RAB11FIP3: variants seen among roughly 807,000 people sequenced by gnomAD.
RAB11FIP3 encodes the protein RAB11 family interacting protein 3, also known as rab11 family-interacting protein 3.
Under a neutral mutation model 77.8 loss-of-function variants are expected in RAB11FIP3, and 17 were observed. The ratio of observed to expected loss-of-function variants is 0.22; its 90% CI spans 0.15 to 0.33. The LOEUF (loss-of-function observed/expected upper bound fraction) is 0.33. Among genes scored for constraint, RAB11FIP3 ranks in the 10% least tolerant of loss-of-function variants. The probability of loss-of-function intolerance (pLI) is 1.00; values close to 1 mark genes in which losing one functional copy is unlikely to be tolerated. For synonymous variants in RAB11FIP3, 437 were observed against 448.2 expected, an observed-to-expected ratio of 0.98 and a Z score of 0.31; for missense variants, 1,005 against 1,011.2, an observed-to-expected ratio of 0.99 and a Z score of 0.08.
intron 9 of RAB11FIP3, among the ~76,000 whole-genome samples, chr16:515,555 G>T (rs1320362622): frequency 6.7e-6 from 1 of 149,076 alleles, no homozygotes; most frequent in Admixed American, 6.7e-5. Flanking sequence ...TCTTGGAGCA[G>T]CCACACGGGC....
rs2032595982 is a variant in RAB11FIP3 at position 519,865 on chromosome 16, C to A, written c.1834C>A (p.Gln612Lys). 6.3e-7 allele frequency: 1 copy of A among 1,595,802 alleles called. No individual in the cohort carries two copies. The change falls in exon 11 of 14, where the codon CAG (glutamine) becomes AAG (lysine). Residue 612 changes from glutamine to lysine, a missense_variant. Gln to Lys is a moderately conservative substitution (Grantham distance 53). This residue lies in a region of RAB11FIP3 where 433 missense variants were observed against 436.1 expected (regional missense o/e 0.99). Coordinates refer to ENST00000262305, the MANE Select transcript of RAB11FIP3 (RefSeq NM_014700.4). ...GCTGAGTCACGAGAGGCACCAGTTC[C>A]AGAGGGACAAGGAGGCCACCCAGGA... The part of the protein sequence containing the change: ...DRLSHERHQF[Q>K]RDKEATQELI...
intron 1 of RAB11FIP3, among the ~76,000 whole-genome samples, chr16:454,049 G>T (rs950078250): frequency 6.6e-6 from 1 of 152,116 alleles, no homozygotes; most frequent in Non-Finnish European, 1.5e-5. Context: ...CAAGAAAAGA[G>T]ACATGAGATG....
intron 9 of RAB11FIP3, among the ~76,000 whole-genome samples, chr16:518,096 T>C (rs1330502319): frequency 1.3e-5 from 2 of 152,100 alleles, no homozygotes; most frequent in Admixed American, 6.6e-5. Flanking sequence ...AGTAAATAAA[T>C]AGATACAGGA....
At chr16:492,358 G>GCCCTCCCGGGGGACCCGAGGCC (rs1567391717) in intron 5 of RAB11FIP3, among the ~76,000 whole-genome samples, 1 of 90,922 alleles carries the variant, frequency 1.1e-5, no homozygotes, top group African/African-American at 6.4e-5. Context: ...CTTTGAAGAG[G>GCCCTCCCGGGGGACCCGAGGCC]GTCTTCCCGG....
chr16:484,912 A>G (rs2056122711), intron 4 of RAB11FIP3, among the ~76,000 whole-genome samples: 1 of 152,072 alleles, frequency 6.6e-6, no homozygotes, highest in Admixed American at 6.6e-5. Flanking sequence ...AGCCTCCGGC[A>G]TCTGTGGCTC....
intron 1 of RAB11FIP3, among the ~76,000 whole-genome samples, chr16:453,884 C>T (rs2055452531): frequency 6.6e-6 from 1 of 152,072 alleles, no homozygotes; most frequent in South Asian, 2.1e-4. Flanking sequence ...CGTGAGCCAC[C>T]ACACCCGGCC....
intron 5 of RAB11FIP3, among the ~76,000 whole-genome samples, chr16:492,990 G>A (rs768466917): frequency 6.6e-6 from 1 of 152,138 alleles, no homozygotes; most frequent in African/African-American, 2.4e-5. Context: ...ACTCACGCCT[G>A]TAATCTCAGC....
intron 1 of RAB11FIP3, among the ~76,000 whole-genome samples, chr16:451,234 C>A (rs946227893): frequency 6.6e-6 from 1 of 151,910 alleles, no homozygotes; most frequent in African/African-American, 2.4e-5. Context: ...GTACAGAGTC[C>A]GTACTGTTGT....
intron 1 of RAB11FIP3, among the ~76,000 whole-genome samples, chr16:440,827 A>C (rs2034208759): frequency 1.3e-5 from 2 of 152,190 alleles, no homozygotes; most frequent in Non-Finnish European, 2.9e-5. Flanking sequence ...TGCGGGCAGG[A>C]AGTGAAGAGG....
At chr16:479,138 T>C (rs1009172442) in intron 3 of RAB11FIP3, among the ~76,000 whole-genome samples, 3 of 152,158 alleles carry the variant, frequency 2.0e-5, no homozygotes, top group Admixed American at 6.5e-5. Context: ...ATGCCTATAA[T>C]CCCAGCACTT....
intron 1 of RAB11FIP3, among the ~76,000 whole-genome samples, chr16:440,086 C>A (rs1173342917): frequency 6.6e-6 from 1 of 152,126 alleles, no homozygotes; most frequent in Non-Finnish European, 1.5e-5. Context: ...ATGATCCGCC[C>A]CCCCCATCGG....
chr16:495,014 G>C (rs4984885), intron 5 of RAB11FIP3, among the ~76,000 whole-genome samples: 646 of 2,368 alleles, frequency 0.27, 17 homozygotes, highest in East Asian at 0.3. Context: ...CTGCAGAGGT[G>C]GGAGGATCAC....
chr16:510,847 G>A, intron 9 of RAB11FIP3, 47 bp downstream of exon 9: 1 of 1,595,572 alleles, frequency 6.3e-7, no homozygotes, highest in African/African-American at 1.3e-5. Flanking sequence ...TGCAGGCCAG[G>A]TAGGAGACGG....
chr16:503,206 A>G, intron 7 of RAB11FIP3, 109 bp downstream of exon 7: 1 of 809,758 alleles, frequency 1.2e-6, no homozygotes, highest in South Asian at 1.8e-5. Context: ...GCCGGAGGTG[A>G]CCCCATGTCC....
chr16:485,275 CT>C (rs2056131294), intron 4 of RAB11FIP3, among the ~76,000 whole-genome samples: 1 of 152,166 alleles, frequency 6.6e-6, no homozygotes, highest in Non-Finnish European at 1.5e-5. Context: ...TGGCCTGCCC[CT>C]GGTCTGTTGG....
intron 7 of RAB11FIP3, 47 bp downstream of exon 7, chr16:503,144 A>G: frequency 6.7e-7 from 1 of 1,491,670 alleles, no homozygotes; most frequent in South Asian, 1.1e-5. Context: ...GATTTAGAAC[A>G]CAGCCACGCC....
chr16:494,827 T>G (rs4984880), intron 5 of RAB11FIP3, among the ~76,000 whole-genome samples: 2,367 of 15,944 alleles, frequency 0.15, 22 homozygotes, highest in African/African-American at 0.23. Flanking sequence ...CACATGAGCC[T>G]GGGAGGTCGA....
chr16:475,229 T>C, intron 3 of RAB11FIP3: 6 of 1,062,062 alleles, frequency 5.6e-6, no homozygotes, highest in Non-Finnish European at 7.5e-6. Flanking sequence ...CTGAACGGGC[T>C]TTTTCTCTGT....
intron 1 of RAB11FIP3, among the ~76,000 whole-genome samples, chr16:433,598 C>T (rs2055076562): frequency 6.6e-6 from 1 of 151,668 alleles, no homozygotes; most frequent in Non-Finnish European, 1.5e-5. Context: ...CCTGTAATCT[C>T]AGCACTTTGG....
Sources: allele counts gnomAD v4.1 joint callset (sites outside exome capture counted in the v4.1 genomes callset), GRCh38; gene constraint gnomAD v4.1.1; regional missense constraint gnomAD v4.1.1; transcripts MANE v1.5; gene names NCBI Gene and HGNC (gene_info 2026-07-23, HGNC 2026-07-21).